The following CFAP68 variants were observed in gnomAD, a reference collection of about 807,000 sequenced individuals.
The protein encoded by CFAP68 is cilia and flagella associated protein 68.
the CFAP68 span, chr11:111,881,087 A>G: frequency 1.6e-6 from 1 of 607,250 alleles, no homozygotes; most frequent in Non-Finnish European, 2.3e-6. Context: ...GGAGGGTGGC[A>G]GTCTGATTCA....
chr11:111,881,357 C>G, the CFAP68 span: 1 of 1,478,116 alleles, frequency 6.8e-7, no homozygotes, highest in South Asian at 1.4e-5. Context: ...GGGTAGTTAC[C>G]TGGGATGTCA....
the CFAP68 span, chr11:111,882,547 G>C: frequency 1.2e-6 from 2 of 1,613,656 alleles, no homozygotes; most frequent in Non-Finnish European, 8.5e-7. Context: ...ACTGGAACCA[G>C]GAAAGATATG....
the CFAP68 span, chr11:111,881,560 A>G: frequency 2.0e-6 from 3 of 1,536,052 alleles, no homozygotes; most frequent in Non-Finnish European, 2.6e-6. Context: ...GACTCTCATA[A>G]GAAATCTTCA....
chr11:111,879,723 C>G, the CFAP68 span: 1 of 1,134,930 alleles, frequency 8.8e-7, no homozygotes, highest in South Asian at 1.3e-5. Flanking sequence ...CCTATGATTT[C>G]AATGAGCCTG....
the CFAP68 span, chr11:111,883,297 T>C: frequency 9.0e-7 from 1 of 1,115,134 alleles, no homozygotes; most frequent in Non-Finnish European, 1.3e-6. Context: ...ACTGAATAGG[T>C]GAATAAGTGA....
At chr11:111,879,665 C>T in the CFAP68 span, 1 of 1,549,332 alleles carries the variant, frequency 6.5e-7, no homozygotes, top group Non-Finnish European at 8.9e-7. Flanking sequence ...CTATTGCGTG[C>T]CAGGCCACTG....
At chr11:111,882,956 A>G in the CFAP68 span, among the ~76,000 whole-genome samples, 2 of 152,190 alleles carry the variant, frequency 1.3e-5, no homozygotes, top group Admixed American at 6.5e-5. Context: ...TTGCACTTAA[A>G]TCGCTCCTAA....
chr11:111,884,406 G>A, the CFAP68 span: 1 of 150,642 alleles, frequency 6.6e-6, no homozygotes, highest in African/African-American at 2.5e-5. Flanking sequence ...CCTGAGAAGT[G>A]GAGGTTGTGG....
At chr11:111,881,092 G>C in the CFAP68 span, 6 of 703,998 alleles carry the variant, frequency 8.5e-6, no homozygotes, top group Non-Finnish European at 1.1e-5. Flanking sequence ...GTGGCAGTCT[G>C]ATTCAAAAAT....
At chr11:111,883,005 A>G in the CFAP68 span, 2 of 753,292 alleles carry the variant, frequency 2.7e-6, no homozygotes, top group Non-Finnish European at 4.5e-6. Flanking sequence ...TTAGAAGGAT[A>G]TAGACTAACA....
chr11:111,882,468 A>G, the CFAP68 span: 1 of 1,614,164 alleles, frequency 6.2e-7, no homozygotes, highest in Non-Finnish European at 8.5e-7. Context: ...AATATGTCCA[A>G]GTTTTTCCAG....
At chr11:111,882,649 G>A in the CFAP68 span, 9 of 1,434,048 alleles carry the variant, frequency 6.3e-6, no homozygotes, top group Non-Finnish European at 8.5e-6. Context: ...GTTGGCAAAA[G>A]AAATGTAGTG....
the CFAP68 span, chr11:111,882,521 C>G: frequency 6.2e-7 from 1 of 1,614,020 alleles, no homozygotes; most frequent in Non-Finnish European, 8.5e-7. Context: ...CTATTCAAAC[C>G]GTACCCTGAT....
chr11:111,879,642 G>T, the CFAP68 span: 1 of 1,596,562 alleles, frequency 6.3e-7, no homozygotes, highest in Non-Finnish European at 8.6e-7. Context: ...GTTCAAGAAA[G>T]AGTATTGAGT....
chr11:111,883,964 A>G, the CFAP68 span: 1 of 1,035,972 alleles, frequency 9.7e-7, no homozygotes, highest in Non-Finnish European at 1.4e-6. Context: ...AAGATACTTC[A>G]CTTTTCCAGA....
At chr11:111,884,713 TAAAAC>T in the CFAP68 span, 2 of 152,164 alleles carry the variant, frequency 1.3e-5, no homozygotes. Flanking sequence ...GAATTTTACG[TAAAAC>T]AAAAGTAGAC....
the CFAP68 span, chr11:111,884,984 C>CT: frequency 1.3e-5 from 2 of 151,828 alleles, no homozygotes; most frequent in African/African-American, 2.4e-5. Flanking sequence ...AACTCCATCT[C>CT]TTCTAAAAAT....
chr11:111,879,988 A>C, the CFAP68 span, among the ~76,000 whole-genome samples: 1 of 150,192 alleles, frequency 6.7e-6, no homozygotes, highest in Admixed American at 6.7e-5. Context: ...TGGCTGAAAC[A>C]CAATTGGAGG....
At chr11:111,882,985 CAT>C in the CFAP68 span, 3 of 698,852 alleles carry the variant, frequency 4.3e-6, no homozygotes, top group South Asian at 3.4e-5. Flanking sequence ...ACGTACAAAA[CAT>C]GTGAAAGTTA....
Sources: allele counts gnomAD v4.1 joint callset (sites outside exome capture counted in the v4.1 genomes callset), GRCh38; gene constraint gnomAD v4.1.1; transcripts MANE v1.5; gene names NCBI Gene and HGNC (gene_info 2026-07-23, HGNC 2026-07-21).